PCDHGB2: variants seen among roughly 807,000 people sequenced by gnomAD.
The protein encoded by PCDHGB2 is protocadherin gamma-B2.
A neutral mutation model predicts 59.3 loss-of-function variants in PCDHGB2; 55 were observed. That is an observed-to-expected ratio of 0.93 (90% CI 0.75 to 1.16). The LOEUF (loss-of-function observed/expected upper bound fraction) is 1.16. Among genes scored for constraint, PCDHGB2 ranks in the 50% most tolerant of loss-of-function variants. The probability of loss-of-function intolerance (pLI) is 0.00; values close to 1 mark genes in which losing one functional copy is unlikely to be tolerated. For missense variants in PCDHGB2, 1,228 were observed against 1,198.5 expected (o/e 1.02, Z -0.36); for synonymous variants, 516 against 512.0 (o/e 1.01, Z -0.11).
At chr5:141,419,227 C>G in intron 1 of PCDHGB2, 1 of 1,614,024 alleles carries the variant, frequency 6.2e-7, no homozygotes, top group South Asian at 1.1e-5. Flanking sequence ...GACAGTCAGC[C>G]TACCTGGTCC....
intron 1 of PCDHGB2, chr5:141,417,979 G>C (rs2096202372): frequency 6.2e-7 from 1 of 1,613,752 alleles, no homozygotes; most frequent in Admixed American, 1.7e-5. Context: ...TTCCGGAGGA[G>C]CTGGCCAAGG....
At chr5:141,381,798 C>CTCTTTCTTTCTTTCTTTCTTTCTT (rs372235829) in intron 1 of PCDHGB2, among the ~76,000 whole-genome samples, 8 of 144,168 alleles carry the variant, frequency 5.5e-5, no homozygotes, top group African/African-American at 1.9e-4. Flanking sequence ...AGGCAATTCC[C>CTCTTTCTTTCTTTCTTTCTTTCTT]TCTTTCTTTC....
chr5:141,390,532 T>A, intron 1 of PCDHGB2: 1 of 531,632 alleles, frequency 1.9e-6, no homozygotes, highest in Non-Finnish European at 3.3e-6. Flanking sequence ...GGTGTGGTTT[T>A]AACCACAAAG....
chr5:141,375,656 T>C (rs891549331), intron 1 of PCDHGB2: 2 of 1,614,080 alleles, frequency 1.2e-6, no homozygotes, highest in Non-Finnish European at 1.7e-6. Flanking sequence ...CTATGAGCAG[T>C]TGAGAGACCT....
chr5:141,422,074 C>T (rs886758924), intron 1 of PCDHGB2: 8 of 1,612,146 alleles, frequency 5.0e-6, no homozygotes, highest in African/African-American at 4.0e-5. Context: ...GTATTCATTT[C>T]GGAACATGGA....
intron 3 of PCDHGB2, among the ~76,000 whole-genome samples, chr5:141,510,162 A>C (rs947806998): frequency 6.6e-6 from 1 of 151,838 alleles, no homozygotes; most frequent in Non-Finnish European, 1.5e-5. Flanking sequence ...AATCTCAGCT[A>C]CTCAGGAGGT....
In PCDHGB2 at chr5:141,366,672, G is replaced by A. The variant is rs202102428; in HGVS notation, c.2421+4116G>A. ...CCCAACTACGCAGACACGCTCCTTA[G>A]TGAAGAGAGCTGTGAGAAAAGCGAG... On this transcript the variant is annotated intron_variant, in intron 1 of 3. Transcript: ENST00000522605. The A allele has an allele frequency of 1.6e-4, 266 of 1,614,142 alleles. 2 individuals carry two copies. Among genetic ancestry groups the A allele is most frequent in the Non-Finnish European group, 2.9e-5 (34 of 1,180,058 alleles).
intron 1 of PCDHGB2, chr5:141,409,529 G>A: frequency 6.2e-7 from 1 of 1,613,962 alleles, no homozygotes; most frequent in Middle Eastern, 1.6e-4. Context: ...CTTGTATGTC[G>A]CTGACATCAA....
Position 141,422,468 on chromosome 5 carries a change from A to T in PCDHGB2, c.2421+59912A>T, listed in dbSNP as rs555211298. On this transcript the variant is annotated intron_variant, in intron 1 of 3. Transcript: ENST00000522605. ...ATAACAAGCAGAGTGCTGGACAGGG[A>T]GTTGGTCCAGAGCTACAATATAACG... 59 of 1,613,640 alleles carry T rather than the reference A, an allele frequency of 3.7e-5. No homozygotes were observed. In the South Asian group the frequency reaches 4.7e-4, roughly 13 times the overall value.
intron 1 of PCDHGB2, chr5:141,428,308 G>A (rs2097132099): frequency 1.5e-6 from 1 of 685,734 alleles, no homozygotes; most frequent in Non-Finnish European, 2.6e-6. Context: ...TTACCTGGTC[G>A]TGGCCTTGGC....
intron 1 of PCDHGB2, chr5:141,422,951 G>C (rs1382138030): frequency 3.7e-6 from 6 of 1,614,236 alleles, no homozygotes; most frequent in South Asian, 3.3e-5. Flanking sequence ...GGCTCCACTG[G>C]CGTGGAGCTG....
chr5:141,431,450 A>T lies in PCDHGB2; in HGVS notation c.2422-63357A>T, dbSNP rs1468567743. 1 of 1,613,740 alleles carries T rather than the reference A, an allele frequency of 6.2e-7. No homozygotes were observed. Among genetic ancestry groups the T allele is most frequent in the Admixed American group, 1.7e-5 (1 of 60,032 alleles). ...CACAGGCACCGCGCGCATCCGCGTG[A>T]TGGTTCTGGATGCGAACGACAACGC... On this transcript the variant is annotated intron_variant, in intron 1 of 3. Transcript: ENST00000522605. This position sits in a 1 kb window ranked among gnomAD's most constrained non-coding sequence, Gnocchi z 4.8.
chr5:141,495,080 G>A (rs73794925), intron 2 of PCDHGB2, among the ~76,000 whole-genome samples: 1 of 152,258 alleles, frequency 6.6e-6, no homozygotes, highest in African/African-American at 2.4e-5. Flanking sequence ...TCACATGCTT[G>A]CCCCTTCCCT....
chr5:141,415,740 G>GTTTT lies in PCDHGB2; in HGVS notation c.2421+53213_2421+53216dup, dbSNP rs57426385. ...TGAGTAGAATTTGATGTTTATTAAG[G>GTTTT]TTTTTTTTTTTTTTTTTTTTTTTTT... On this transcript the variant is annotated intron_variant, in intron 1 of 3. Transcript: ENST00000522605. 3.9e-3 allele frequency: 2,454 copies of GTTTT among 623,032 alleles called. 15 individuals carry two copies. Among genetic ancestry groups the GTTTT allele is most frequent in the South Asian group, 7.6e-3 (262 of 34,698 alleles). 38.6% of individuals were successfully genotyped at this position (623,032 alleles called of 1,614,324 possible).
intron 1 of PCDHGB2, chr5:141,364,699 A>G (rs1465164729): frequency 1.2e-6 from 2 of 1,613,874 alleles, no homozygotes; most frequent in Non-Finnish European, 1.7e-6. Flanking sequence ...AAGTAGAAAT[A>G]ATCGATATTA....
chr5:141,446,482 CTT>C (rs112180482), intron 1 of PCDHGB2, among the ~76,000 whole-genome samples: 6 of 147,048 alleles, frequency 4.1e-5, no homozygotes, highest in East Asian at 4.0e-4. Context: ...GGTCATCATT[CTT>C]TTTTTTTTTT....
At chr5:141,384,274 G>C (rs1396743546) in intron 1 of PCDHGB2, 1 of 1,613,704 alleles carries the variant, frequency 6.2e-7, no homozygotes, top group Non-Finnish European at 8.5e-7. Flanking sequence ...ATCCTACTCA[G>C]TCTACATCGC....
chr5:141,383,391 G>C, intron 1 of PCDHGB2: 2 of 1,613,978 alleles, frequency 1.2e-6, no homozygotes, highest in Non-Finnish European at 1.7e-6. Flanking sequence ...ATGTGGGCAC[G>C]AACTCCCTCC....
intron 1 of PCDHGB2, chr5:141,414,797 G>A: frequency 6.2e-7 from 1 of 1,614,230 alleles, no homozygotes. Context: ...GCCAGCGACA[G>A]CGGGGATCCT....
Sources: allele counts gnomAD v4.1 joint callset (sites outside exome capture counted in the v4.1 genomes callset), GRCh38; gene constraint gnomAD v4.1.1; non-coding constraint Gnocchi (gnomAD v3.1); transcripts MANE v1.5; gene names NCBI Gene and HGNC (gene_info 2026-07-23, HGNC 2026-07-21).